TEC: variants seen among roughly 807,000 people sequenced by gnomAD.
TEC encodes the protein tyrosine-protein kinase Tec.
A neutral mutation model predicts 93.0 loss-of-function variants in TEC; 72 were observed. That is an observed-to-expected ratio of 0.77 (90% confidence interval 0.64 to 0.94). The LOEUF (loss-of-function observed/expected upper bound fraction) is 0.94, where lower values mean the gene tolerates loss of function less well. Ranked by LOEUF, TEC falls within the 40% of genes least tolerant of loss-of-function variation. The pLI, the probability that TEC is intolerant of heterozygous loss-of-function variation, is 0.00. For missense variants in TEC, 630 were observed against 757.9 expected, an observed-to-expected ratio of 0.83 and a Z score of 1.98; for synonymous variants, 249 against 247.7, an observed-to-expected ratio of 1.01 and a Z score of -0.05.
chr4:48,141,661 T>C (rs1719673370), intron 14 of TEC: 2 of 388,284 alleles, frequency 5.2e-6, no homozygotes, highest in South Asian at 5.4e-5. Context: ...TCTTTACCAA[T>C]TGTCTTTTTT....
intron 1 of TEC, among the ~76,000 whole-genome samples, chr4:48,263,701 C>T (rs1400511116): frequency 1.3e-5 from 2 of 151,828 alleles, no homozygotes; most frequent in African/African-American, 2.4e-5. Context: ...TCTCCACCCC[C>T]GCCAAAAAAA....
At chr4:48,269,552 G>A (rs1724732782) in intron 1 of TEC, among the ~76,000 whole-genome samples, 200 bp downstream of exon 1, 1 of 152,268 alleles carries the variant, frequency 6.6e-6, no homozygotes, top group Non-Finnish European at 1.5e-5. Flanking sequence ...GCGCGCACCT[G>A]TCCCTCCTTC....
intron 2 of TEC, among the ~76,000 whole-genome samples, chr4:48,224,974 C>T (rs142252715): frequency 1.8e-3 from 270 of 152,202 alleles, no homozygotes; most frequent in African/African-American, 6.2e-3. Context: ...TTAGATCAAT[C>T]GACAGCCTCC....
chr4:48,261,248 T>G (rs1186075192), intron 1 of TEC, among the ~76,000 whole-genome samples: 1 of 152,196 alleles, frequency 6.6e-6, no homozygotes, highest in African/African-American at 2.4e-5. Context: ...ATACCTAAAT[T>G]TACATGTCTG....
At chr4:48,187,577 TC>T (rs928801395) in intron 2 of TEC, among the ~76,000 whole-genome samples, 3 of 152,184 alleles carry the variant, frequency 2.0e-5, no homozygotes, top group African/African-American at 7.2e-5. Context: ...TGTTGTTTTC[TC>T]CCCCTAAGTG....
intron 2 of TEC, 124 bp downstream of exon 2, chr4:48,228,353 C>T: frequency 9.3e-6 from 10 of 1,070,334 alleles, no homozygotes; most frequent in East Asian, 5.7e-5. Context: ...CTTTCAAGTC[C>T]AAATGATAAT....
chr4:48,217,249 G>T (rs1328665906), intron 2 of TEC, among the ~76,000 whole-genome samples: 6 of 152,080 alleles, frequency 3.9e-5, no homozygotes, highest in Non-Finnish European at 7.4e-5. Flanking sequence ...GATTACAGGT[G>T]CCCGCCACCA....
chr4:48,233,058 C>T (rs1373381362), intron 1 of TEC, among the ~76,000 whole-genome samples: 1 of 152,180 alleles, frequency 6.6e-6, no homozygotes, highest in African/African-American at 2.4e-5. Context: ...GACTATAAAA[C>T]ACAGGGTCTC....
At chr4:48,209,212 C>A (rs575664348) in intron 2 of TEC, among the ~76,000 whole-genome samples, 1 of 151,772 alleles carries the variant, frequency 6.6e-6, no homozygotes, top group Admixed American at 6.6e-5. Context: ...TTTTTTTCTT[C>A]TCGTAATTTG....
At position 48,205,599 on chromosome 4, in the gene TEC, A is replaced by C. The variant is rs532280390; in HGVS notation, c.138+22878T>G. Among the ~76,000 whole-genome samples, 5 of 152,336 alleles carry C rather than the reference A, an allele frequency of 3.3e-5. No homozygotes were observed. In the South Asian group the frequency reaches 1.0e-3, roughly 32 times the overall value. On this transcript the variant is annotated intron_variant, in intron 2 of 17. Transcript: ENST00000381501. ...ATTTTTTAAAATAAGCTACATATAA[A>C]GTTGCTCAATGGTATTAGCCATAGG...
chr4:48,258,224 C>A (rs979647498), intron 1 of TEC, among the ~76,000 whole-genome samples: 2 of 150,602 alleles, frequency 1.3e-5, no homozygotes, highest in Admixed American at 6.7e-5. Context: ...TCACTGCAAC[C>A]TCTGCCTCCC....
chr4:48,146,392 G>A lies in TEC; in HGVS notation c.1014C>T (p.Val338=), dbSNP rs77959214. ...EYHKHNAAGL[V]TRLRYPVSVK... ...CACTAACTGGGTACCGAAGCCTGGT[G>A]ACAAGTCCTAATAATCAAAGAAAGC... is the stretch of plus-strand genomic sequence containing the variant. Residue 338 remains valine, a synonymous_variant, in exon 12 of 18, where the codon GTC becomes GTT. Coordinates refer to ENST00000381501, the MANE Select transcript of TEC (RefSeq NM_003215.3). 2,504 of 1,613,584 alleles carry A rather than the reference G, an allele frequency of 1.6e-3. 33 individuals are homozygous for A. The African/African-American group carries it at 0.028, about 18-fold the overall frequency.
rs145205505 is a variant in TEC, at chr4:48,200,589, T to A, written c.139-24403A>T. On this transcript the variant is annotated intron_variant, in intron 2 of 17. Transcript: ENST00000381501. ...TAATAATGGAACCCTGATTTTTAGG[T>A]GGTACCTTGGTACTCAGAATAAAAG... is the stretch of plus-strand genomic sequence containing the variant. Among the ~76,000 whole-genome samples the A allele has an allele frequency of 1.5e-3, 234 of 152,330 alleles. 1 individual carries two copies. The highest frequency in any genetic ancestry group is 5.3e-3 in the African/African-American group (220 of 41,590).
At chr4:48,267,170 C>G (rs945952094) in intron 1 of TEC, among the ~76,000 whole-genome samples, 1 of 152,186 alleles carries the variant, frequency 6.6e-6, no homozygotes, top group African/African-American at 2.4e-5. Context: ...GGCTTCTGTG[C>G]CCACACATTT....
intron 8 of TEC, among the ~76,000 whole-genome samples, chr4:48,157,888 T>G (rs370655909): frequency 6.6e-6 from 1 of 152,222 alleles, no homozygotes; most frequent in African/African-American, 2.4e-5. Context: ...TCAGAGATAC[T>G]TGCCTCTCTC....
intron 1 of TEC, among the ~76,000 whole-genome samples, chr4:48,239,570 T>C (rs1044730329): frequency 2.6e-5 from 4 of 152,208 alleles, no homozygotes; most frequent in Non-Finnish European, 5.9e-5. Flanking sequence ...GAGTAAAGAA[T>C]GTTTGGAAAT....
chr4:48,165,136 T>A (rs1431347687), intron 7 of TEC, among the ~76,000 whole-genome samples: 2 of 152,182 alleles, frequency 1.3e-5, no homozygotes, highest in East Asian at 3.8e-4. Flanking sequence ...ACTAACAGGA[T>A]CCTCTACCAA....
chr4:48,148,297 G>A (rs1299388582), intron 11 of TEC, among the ~76,000 whole-genome samples: 2 of 152,066 alleles, frequency 1.3e-5, no homozygotes, highest in African/African-American at 2.4e-5. Context: ...AAAGTGAACA[G>A]TCACAAAATA....
At chr4:48,237,399 T>C (rs1337590329) in intron 1 of TEC, among the ~76,000 whole-genome samples, 2 of 151,124 alleles carry the variant, frequency 1.3e-5, no homozygotes, top group Non-Finnish European at 2.9e-5. Context: ...TCCTAGTCAA[T>C]ATGACTTTTC....
Sources: gnomAD v4.1 joint callset for allele counts (sites outside exome capture counted in the v4.1 genomes callset) on GRCh38, gnomAD v4.1.1 for gene constraint, MANE v1.5 for transcripts, NCBI Gene and HGNC (gene_info 2026-07-23, HGNC 2026-07-21) for gene names.